DPP10: variants seen among roughly 807,000 people sequenced by gnomAD.
The protein encoded by DPP10 is inactive dipeptidyl peptidase 10.
A neutral mutation model predicts 120.9 loss-of-function variants in DPP10; 33 were observed. That is an observed-to-expected ratio of 0.27 (90% CI 0.21 to 0.37). The LOEUF (loss-of-function observed/expected upper bound fraction) is 0.37. DPP10 is among the 10% of genes least tolerant of loss of function. DPP10 has a pLI of 1.00. For missense variants in DPP10, 816 were observed against 942.8 expected, an observed-to-expected ratio of 0.87 and a Z score of 1.76; for synonymous variants, 337 against 326.1, an observed-to-expected ratio of 1.03 and a Z score of -0.36.
intron 1 of DPP10, among the ~76,000 whole-genome samples, chr2:114,853,232 T>C (rs1314137991): frequency 6.6e-6 from 1 of 152,178 alleles, no homozygotes; most frequent in East Asian, 1.9e-4. Context: ...ATAACTTGAT[T>C]GAGGTGACTG....
At chr2:115,682,004 A>G (rs1168619612) in intron 5 of DPP10, among the ~76,000 whole-genome samples, 1 of 151,868 alleles carries the variant, frequency 6.6e-6, no homozygotes, top group Non-Finnish European at 1.5e-5. Context: ...ATGTGTTGAA[A>G]CAATAATTTT....
At position 115,745,570 on chromosome 2, in the gene DPP10, G is replaced by A. The variant is rs186344160; in HGVS notation, c.853-516G>A. On this transcript the variant is annotated intron_variant, in intron 9 of 25. Transcript: ENST00000410059. ...TTAGTAATGTTTAAAAGGAAAGCCC[G>A]GGAGATTAATGCGATAGCATACATT... Among the ~76,000 whole-genome samples, 34 of 150,050 alleles carry A rather than the reference G, an allele frequency of 2.3e-4. No homozygotes were observed. In the East Asian group the frequency reaches 3.1e-3, roughly 14 times the overall value.
intron 1 of DPP10, among the ~76,000 whole-genome samples, chr2:115,173,369 T>C (rs2053488491): frequency 6.7e-6 from 1 of 149,974 alleles, no homozygotes; most frequent in Admixed American, 6.7e-5. Flanking sequence ...AAAGCCATCA[T>C]GATATAAAAT....
intron 1 of DPP10, among the ~76,000 whole-genome samples, chr2:114,469,722 C>T (rs1679743724): frequency 6.6e-6 from 1 of 151,856 alleles, no homozygotes; most frequent in Admixed American, 6.6e-5. Flanking sequence ...AGTGAGACTC[C>T]ATCTCAAAAA....
chr2:115,155,927 CT>C (rs775423779), intron 1 of DPP10, among the ~76,000 whole-genome samples: 7 of 152,120 alleles, frequency 4.6e-5, no homozygotes, highest in Non-Finnish European at 5.9e-5. Context: ...TTGTCTCTTC[CT>C]CTTCTTTCTC....
chr2:114,472,262 C>G (rs1377356810), intron 1 of DPP10, among the ~76,000 whole-genome samples: 1 of 152,190 alleles, frequency 6.6e-6, no homozygotes, highest in African/African-American at 2.4e-5. Flanking sequence ...TACTGTCCTA[C>G]AGGGACTGGG....
At chr2:114,780,679 A>T (rs1682242170) in intron 1 of DPP10, among the ~76,000 whole-genome samples, 1 of 152,116 alleles carries the variant, frequency 6.6e-6, no homozygotes, top group Admixed American at 6.6e-5. Flanking sequence ...TATTATGATT[A>T]TCAGAAAGAA....
chr2:115,438,669 T>C (rs983861769), intron 3 of DPP10, among the ~76,000 whole-genome samples: 1 of 152,196 alleles, frequency 6.6e-6, no homozygotes, highest in Non-Finnish European at 1.5e-5. Flanking sequence ...ATGATTCCAC[T>C]AACACTATGT....
At chr2:115,603,560 GTTTTTTTTTGTTTTT>G (rs1427599592) in intron 5 of DPP10, among the ~76,000 whole-genome samples, 2 of 126,428 alleles carry the variant, frequency 1.6e-5, no homozygotes, top group Non-Finnish European at 3.2e-5. Context: ...CGTTGTTGTT[GTTTTTTTTTGTTTTT>G]TTTTTTTTTG....
chr2:115,109,964 A>G (rs1297071068), intron 1 of DPP10, among the ~76,000 whole-genome samples: 1 of 152,236 alleles, frequency 6.6e-6, no homozygotes, highest in Admixed American at 6.5e-5. Context: ...TTCAAGCTAC[A>G]TGGATTCCCA....
At chr2:115,194,309 C>T (rs945714861) in intron 1 of DPP10, among the ~76,000 whole-genome samples, 2 of 152,074 alleles carry the variant, frequency 1.3e-5, no homozygotes, top group East Asian at 1.9e-4. Flanking sequence ...ACCGCAGCCT[C>T]CGCCTCCCAG....
At chr2:114,499,740 G>T (rs1682997434) in intron 1 of DPP10, among the ~76,000 whole-genome samples, 1 of 152,078 alleles carries the variant, frequency 6.6e-6, no homozygotes, top group Non-Finnish European at 1.5e-5. Flanking sequence ...GTAGCAAGAA[G>T]GACTTCTGAA....
At chr2:115,804,076 C>T (rs1434048367) in intron 19 of DPP10, among the ~76,000 whole-genome samples, 7 of 152,240 alleles carry the variant, frequency 4.6e-5, no homozygotes, top group East Asian at 1.9e-4. Flanking sequence ...ACCAATCAGA[C>T]GTAGATTTGG....
intron 11 of DPP10, among the ~76,000 whole-genome samples, chr2:115,759,413 A>C (rs1679825678): frequency 6.6e-6 from 1 of 151,770 alleles, no homozygotes; most frequent in Non-Finnish European, 1.5e-5. Context: ...AAAAAAATAA[A>C]AGCACTCAAC....
intron 1 of DPP10, among the ~76,000 whole-genome samples, chr2:114,942,402 CATATAT>C (rs61579596): frequency 2.3e-5 from 3 of 127,812 alleles, no homozygotes; most frequent in East Asian, 4.4e-4. Context: ...CACACACACA[CATATAT>C]ATATATATAT....
chr2:115,399,797 G>C (rs2067933830), intron 3 of DPP10, among the ~76,000 whole-genome samples: 1 of 152,076 alleles, frequency 6.6e-6, no homozygotes, highest in Non-Finnish European at 1.5e-5. Context: ...CTTCTTCTAA[G>C]TGTTTCATAA....
At chr2:114,757,328 GA>G in intron 1 of DPP10, among the ~76,000 whole-genome samples, 1 of 130,084 alleles carries the variant, frequency 7.7e-6, no homozygotes, top group South Asian at 2.9e-4. Flanking sequence ...AGGAGGGAAG[GA>G]AAGAAGGAAG....
intron 1 of DPP10, among the ~76,000 whole-genome samples, chr2:115,005,188 A>T (rs1701730005): frequency 1.3e-5 from 2 of 152,124 alleles, no homozygotes; most frequent in Admixed American, 1.3e-4. Flanking sequence ...TAACAAACAG[A>T]AAGGACATCC....
intron 1 of DPP10, among the ~76,000 whole-genome samples, chr2:114,952,460 T>C (rs1305525804): frequency 1.3e-5 from 2 of 152,100 alleles, no homozygotes; most frequent in Non-Finnish European, 2.9e-5. Flanking sequence ...GGATTGATAG[T>C]TGGGTTCTAG....
Sources: gnomAD v4.1 joint callset for allele counts (sites outside exome capture counted in the v4.1 genomes callset) on GRCh38, gnomAD v4.1.1 for gene constraint, MANE v1.5 for transcripts, NCBI Gene and HGNC (gene_info 2026-07-23, HGNC 2026-07-21) for gene names.